Variants in PTPRN2 observed in about 807,000 individuals in gnomAD.
PTPRN2 encodes receptor-type tyrosine-protein phosphatase N2.
Under a neutral mutation model 118.8 loss-of-function variants are expected in PTPRN2, and 74 were observed. That is an observed-to-expected ratio of 0.62 (90% CI 0.52 to 0.76). The LOEUF (loss-of-function observed/expected upper bound fraction) is 0.76, where lower values mean the gene tolerates loss of function less well. Ranked by LOEUF, PTPRN2 falls within the 30% of genes least tolerant of loss-of-function variation. The probability of loss-of-function intolerance (pLI) is 0.00; values close to 1 mark genes in which losing one functional copy is unlikely to be tolerated. For synonymous variants in PTPRN2, 641 were observed against 608.0 expected (o/e 1.05, Z -0.80); for missense variants, 1,481 against 1,394.4 (o/e 1.06, Z -0.99).
intron 1 of PTPRN2, among the ~76,000 whole-genome samples, chr7:158,522,629 T>C (rs561151236): frequency 4.6e-5 from 7 of 152,350 alleles, no homozygotes; most frequent in African/African-American, 1.4e-4. Context: ...ACATGCACCT[T>C]GCTGCGGCTA....
chr7:158,181,672 G>A (rs1824719549), intron 5 of PTPRN2, among the ~76,000 whole-genome samples: 1 of 152,074 alleles, frequency 6.6e-6, no homozygotes, highest in Non-Finnish European at 1.5e-5. Context: ...TAGGAGGGTT[G>A]TATGCTTGCA....
chr7:158,358,933 C>G (rs1808607070), intron 2 of PTPRN2, among the ~76,000 whole-genome samples: 1 of 152,168 alleles, frequency 6.6e-6, no homozygotes, highest in Non-Finnish European at 1.5e-5. Flanking sequence ...AATGGTCATT[C>G]TTATGTATAA....
At position 158,570,897 on chromosome 7, in the gene PTPRN2, C is replaced by G. The variant is rs1196962805; in HGVS notation, c.112+16661G>C. Among the ~76,000 whole-genome samples the G allele has an allele frequency of 6.6e-6, 1 of 152,206 alleles. No homozygotes were observed. The highest frequency in any genetic ancestry group is 2.4e-5 in the African/African-American group (1 of 41,454). On this transcript the variant is annotated intron_variant, in intron 1 of 22. Transcript: ENST00000389418. The surrounding 1 kb of genome is among the most constrained non-coding windows in gnomAD (Gnocchi z 4.5). Reference sequence around the variant, plus strand: ...CACAAACGTGCATGGACCTGGTTACCTCTGGCCTTCCTCTGCTCAGAAGCC... The same window carrying G: ...CACAAACGTGCATGGACCTGGTTACGTCTGGCCTTCCTCTGCTCAGAAGCC...
chr7:157,649,891 C>T (rs77507600), intron 14 of PTPRN2, among the ~76,000 whole-genome samples: 2,834 of 65,042 alleles, frequency 0.044, 112 homozygotes, highest in Middle Eastern at 0.092. Context: ...CTCGGTGGGT[C>T]GGACCCATCC....
intron 12 of PTPRN2, among the ~76,000 whole-genome samples, chr7:157,851,078 C>T (rs566140791): frequency 2.6e-5 from 4 of 152,270 alleles, no homozygotes; most frequent in African/African-American, 4.8e-5. Flanking sequence ...CCCATGGCCC[C>T]GCACACCGGA....
intron 9 of PTPRN2, among the ~76,000 whole-genome samples, chr7:158,122,384 A>C (rs1025286424): frequency 1.3e-5 from 2 of 152,196 alleles, no homozygotes; most frequent in Non-Finnish European, 2.9e-5. Context: ...GCTCAGAGTA[A>C]GAAGTGACAG....
In PTPRN2 at chr7:157,974,018, G is replaced by T. The variant is rs980700647; in HGVS notation, c.1724-75281C>A. Among the ~76,000 whole-genome samples, 6 of 152,182 alleles carry T rather than the reference G, an allele frequency of 3.9e-5. No individual in the cohort carries two copies. The highest frequency in any genetic ancestry group is 2.6e-4 in the Admixed American group (4 of 15,276). On this transcript the variant is annotated intron_variant, in intron 11 of 22. Transcript: ENST00000389418. The surrounding 1 kb of genome is among the most constrained non-coding windows in gnomAD (Gnocchi z 4.0). ...AATGCCAAATGATACATTTATATTA[G>T]ATCTCTCTGACCACTGCTGTTGACG... is the stretch of plus-strand genomic sequence containing the variant.
intron 3 of PTPRN2, among the ~76,000 whole-genome samples, chr7:158,267,268 G>C (rs1050682574): frequency 2.6e-5 from 4 of 152,238 alleles, no homozygotes; most frequent in African/African-American, 7.2e-5. Flanking sequence ...GATGGGTGCT[G>C]GGTGCTGGAG....
intron 1 of PTPRN2, among the ~76,000 whole-genome samples, chr7:158,547,796 T>C (rs2129449974): frequency 6.6e-6 from 1 of 152,338 alleles, no homozygotes; most frequent in South Asian, 2.1e-4. Context: ...CCTTTGAGGC[T>C]GAAACACTGC....
At chr7:158,147,773 C>T (rs1459323995) in intron 6 of PTPRN2, among the ~76,000 whole-genome samples, 1 of 122,398 alleles carries the variant, frequency 8.2e-6, no homozygotes, top group South Asian at 2.7e-4. Context: ...CCTCACGCCA[C>T]GTGTTATTCC....
At chr7:158,492,256 AT>A (rs1258546772) in intron 1 of PTPRN2, among the ~76,000 whole-genome samples, 1 of 152,152 alleles carries the variant, frequency 6.6e-6, no homozygotes, top group Non-Finnish European at 1.5e-5. Context: ...TCTGCTCAGG[AT>A]TCTAGGGTGC....
chr7:158,470,069 CCTAGTG>C (rs1302212221), intron 2 of PTPRN2, among the ~76,000 whole-genome samples: 3 of 152,180 alleles, frequency 2.0e-5, no homozygotes, highest in African/African-American at 7.2e-5. Context: ...TGGGATCTGT[CCTAGTG>C]CATCACAACG....
intron 12 of PTPRN2, among the ~76,000 whole-genome samples, chr7:157,853,604 A>C (rs1268293672): frequency 6.6e-6 from 1 of 152,136 alleles, no homozygotes; most frequent in Non-Finnish European, 1.5e-5. Context: ...TGGAGCAGAC[A>C]AGAGCTGAGC....
At chr7:158,207,924 G>A (rs956773208) in intron 3 of PTPRN2, among the ~76,000 whole-genome samples, 5 of 152,184 alleles carry the variant, frequency 3.3e-5, no homozygotes, top group African/African-American at 1.2e-4. Context: ...AATCCTATCC[G>A]ATAAACTTAA....
At chr7:158,208,440 G>A (rs535044493) in intron 3 of PTPRN2, among the ~76,000 whole-genome samples, 13 of 152,304 alleles carry the variant, frequency 8.5e-5, no homozygotes, top group Admixed American at 7.8e-4. Flanking sequence ...CAATGGAGCT[G>A]CAGTACATCT....
intron 12 of PTPRN2, among the ~76,000 whole-genome samples, chr7:157,734,128 C>T (rs79469061): frequency 7.7e-4 from 49 of 63,362 alleles, no homozygotes; most frequent in African/African-American, 2.5e-3. Flanking sequence ...GCACAGTTAC[C>T]CTTTCCCGTC....
intron 11 of PTPRN2, among the ~76,000 whole-genome samples, chr7:157,900,789 C>T (rs180743158): frequency 6.6e-6 from 1 of 152,314 alleles, no homozygotes; most frequent in Non-Finnish European, 1.5e-5. Context: ...CTGTCCCCTG[C>T]ATAACAGAAT....
At chr7:158,177,358 T>C (rs1824305785) in intron 5 of PTPRN2, among the ~76,000 whole-genome samples, 1 of 152,208 alleles carries the variant, frequency 6.6e-6, no homozygotes, top group South Asian at 2.1e-4. Flanking sequence ...TGGCCATTTG[T>C]ATATCTTTTT....
At chr7:158,501,461 TGCTGGGAA>T (rs1223549432) in intron 1 of PTPRN2, among the ~76,000 whole-genome samples, 1 of 152,220 alleles carries the variant, frequency 6.6e-6, no homozygotes, top group Admixed American at 6.5e-5. Context: ...GCCTGCCTTC[TGCTGGGAA>T]GCCCTGTTCC....
Sources: allele counts gnomAD v4.1 joint callset (sites outside exome capture counted in the v4.1 genomes callset), GRCh38; gene constraint gnomAD v4.1.1; non-coding constraint Gnocchi (gnomAD v3.1); transcripts MANE v1.5; gene names NCBI Gene and HGNC (gene_info 2026-07-23, HGNC 2026-07-21).